SOX5: variants seen among roughly 807,000 people sequenced by gnomAD.
SOX5 encodes the protein transcription factor SOX-5.
Under a neutral mutation model 92.0 loss-of-function variants are expected in SOX5, and 9 were observed. That is an observed-to-expected ratio of 0.10 (90% CI 0.06 to 0.17). The LOEUF (loss-of-function observed/expected upper bound fraction) is 0.17. Ranked by LOEUF, SOX5 falls within the 10% of genes least tolerant of loss-of-function variation. SOX5 has a pLI of 1.00. For missense variants in SOX5, 642 were observed against 944.5 expected, an observed-to-expected ratio of 0.68 and a Z score of 4.20; for synonymous variants, 344 against 336.3, an observed-to-expected ratio of 1.02 and a Z score of -0.25.
intron 2 of SOX5, among the ~76,000 whole-genome samples, chr12:23,873,764 A>G (rs2096899187): frequency 6.6e-6 from 1 of 152,172 alleles, no homozygotes; most frequent in South Asian, 2.1e-4. Flanking sequence ...AATTGCTACC[A>G]CTGTGAAAAG....
intron 1 of SOX5, among the ~76,000 whole-genome samples, chr12:24,386,299 C>T (rs897768783): frequency 5.9e-5 from 9 of 152,108 alleles, no homozygotes; most frequent in South Asian, 2.1e-4. Context: ...ATTATCATCA[C>T]GTCATCACTA....
chr12:23,577,174 C>CATATAT (rs1420125655), intron 9 of SOX5, among the ~76,000 whole-genome samples: 1 of 93,914 alleles, frequency 1.1e-5, no homozygotes, highest in African/African-American at 3.9e-5. Flanking sequence ...CACACACACA[C>CATATAT]ACATATATAT....
intron 2 of SOX5, among the ~76,000 whole-genome samples, chr12:23,846,751 G>A (rs1228939039): frequency 2.0e-5 from 3 of 152,064 alleles, no homozygotes; most frequent in Non-Finnish European, 4.4e-5. Flanking sequence ...TTTTAAGAAA[G>A]CATCCATCAC....
intron 1 of SOX5, among the ~76,000 whole-genome samples, chr12:23,902,525 C>T (rs907946210): frequency 6.6e-6 from 1 of 152,138 alleles, no homozygotes; most frequent in Non-Finnish European, 1.5e-5. Context: ...GCAGAAGCAA[C>T]ATTGTCCAAT....
intron 3 of SOX5, among the ~76,000 whole-genome samples, chr12:24,260,918 G>A (rs994301182): frequency 6.6e-6 from 1 of 152,104 alleles, no homozygotes; most frequent in African/African-American, 2.4e-5. Flanking sequence ...TCCTGGTTGG[G>A]TCATTTAATT....
Position 23,808,998 on chromosome 12 carries a change from T to C in SOX5, c.481+36985A>G, listed in dbSNP as rs151177376. On this transcript the variant is annotated intron_variant, in intron 3 of 14. Transcript: ENST00000451604. ...AATTTGCATATACACATCATATACG[T>C]TGTAATATTATCCTTCAAACTCATG... 8.3e-3 allele frequency among the ~76,000 whole-genome samples: 1,266 copies of C among 152,268 alleles called. 9 individuals are homozygous for C. The highest frequency in any genetic ancestry group is 0.027 in the Middle Eastern group (8 of 294).
intron 4 of SOX5, among the ~76,000 whole-genome samples, chr12:24,025,112 C>T (rs1012445266): frequency 2.0e-5 from 3 of 152,028 alleles, no homozygotes; most frequent in African/African-American, 4.8e-5. Context: ...ACTGACGATG[C>T]TATTTTTAAT....
intron 1 of SOX5, among the ~76,000 whole-genome samples, chr12:24,494,422 AT>A (rs879337853): frequency 3.9e-5 from 6 of 152,252 alleles, no homozygotes; most frequent in Non-Finnish European, 7.3e-5. Flanking sequence ...AGTGCTTCCC[AT>A]TTATTATCTC....
At chr12:23,978,951 G>C (rs546186697) in intron 4 of SOX5, among the ~76,000 whole-genome samples, 45 of 151,818 alleles carry the variant, frequency 3.0e-4, no homozygotes, top group African/African-American at 1.1e-3. Context: ...CCTTAGTTCT[G>C]GTCATTGCCT....
chr12:24,480,242 A>T (rs1455858391), intron 1 of SOX5, among the ~76,000 whole-genome samples: 2 of 152,204 alleles, frequency 1.3e-5, no homozygotes, highest in Non-Finnish European at 2.9e-5. Flanking sequence ...CCCTCTTGCC[A>T]TATACAAAAA....
chr12:23,887,137 A>T (rs2097076521), intron 2 of SOX5, among the ~76,000 whole-genome samples: 1 of 152,228 alleles, frequency 6.6e-6, no homozygotes, highest in Non-Finnish European at 1.5e-5. Context: ...ACAGATCTTT[A>T]TTAATCACAT....
intron 8 of SOX5, chr12:23,638,035 C>T (rs1444611058): frequency 1.3e-5 from 2 of 151,828 alleles, no homozygotes; most frequent in African/African-American, 2.4e-5. Context: ...TCATGTTACC[C>T]AGGTAGCTCC....
At chr12:24,428,362 T>C (rs1476200325) in intron 1 of SOX5, among the ~76,000 whole-genome samples, 1 of 152,122 alleles carries the variant, frequency 6.6e-6, no homozygotes, top group Non-Finnish European at 1.5e-5. Context: ...AAGCTTCAAG[T>C]CCATTTTTAA....
intron 4 of SOX5, among the ~76,000 whole-genome samples, chr12:24,171,138 ATTT>A (rs71059984): frequency 1.8e-3 from 150 of 85,148 alleles, no homozygotes; most frequent in African/African-American, 6.7e-3. Context: ...CCCAAGATCT[ATTT>A]TTTTTTTTTT....
intron 6 of SOX5, among the ~76,000 whole-genome samples, chr12:23,730,848 G>T (rs539688320): frequency 3.7e-4 from 57 of 152,286 alleles, no homozygotes; most frequent in African/African-American, 8.4e-4. Flanking sequence ...AAATAACCTG[G>T]ATGTGATGAT....
intron 2 of SOX5, among the ~76,000 whole-genome samples, chr12:24,309,858 A>G (rs1948997892): frequency 6.6e-6 from 1 of 152,182 alleles, no homozygotes; most frequent in South Asian, 2.1e-4. Flanking sequence ...GAAAACTACA[A>G]GTTCTTAACA....
At chr12:24,247,048 A>G (rs2140121302) in intron 3 of SOX5, among the ~76,000 whole-genome samples, 1 of 152,348 alleles carries the variant, frequency 6.6e-6, no homozygotes, top group Middle Eastern at 3.4e-3. Context: ...AGAAAACTGT[A>G]CCAGTCCTCA....
At chr12:23,564,697 G>A (rs1946772769) in intron 10 of SOX5, among the ~76,000 whole-genome samples, 1 of 152,108 alleles carries the variant, frequency 6.6e-6, no homozygotes, top group Non-Finnish European at 1.5e-5. Context: ...TTAAAGAAAG[G>A]AAATATAAAA....
upstream of SOX5, chr12:23,949,676 C>G: frequency 6.2e-7 from 1 of 1,610,946 alleles, no homozygotes; most frequent in Non-Finnish European, 8.5e-7. Context: ...CAAGTGAGTC[C>G]AAACCTTCTA....
Sources: allele counts gnomAD v4.1 joint callset (sites outside exome capture counted in the v4.1 genomes callset), GRCh38; gene constraint gnomAD v4.1.1; transcripts MANE v1.5; gene names NCBI Gene and HGNC (gene_info 2026-07-23, HGNC 2026-07-21).